Variants in GALNT10 observed in about 807,000 individuals in gnomAD.
GALNT10 encodes the protein polypeptide N-acetylgalactosaminyltransferase 10, also known as GalNAc transferase 10.
Under a neutral mutation model 75.0 loss-of-function variants are expected in GALNT10, and 41 were observed. That is an observed-to-expected ratio of 0.55 (90% CI 0.43 to 0.71). GALNT10 has a LOEUF of 0.71. Ranked by LOEUF, GALNT10 falls within the 30% of genes least tolerant of loss-of-function variation. The probability of loss-of-function intolerance (pLI) is 0.00; values close to 1 mark genes in which losing one functional copy is unlikely to be tolerated. For missense variants in GALNT10, 727 were observed against 818.5 expected (o/e 0.89, Z 1.36); for synonymous variants, 302 against 313.0 (o/e 0.96, Z 0.37).
rs990796048 is a variant in GALNT10, at chr5:154,418,782, C to T, written c.*1810C>T. 1.3e-5 allele frequency: 2 copies of T among 152,150 alleles called. No homozygotes were observed. Among genetic ancestry groups the T allele is most frequent in the Non-Finnish European group, 2.9e-5 (2 of 68,044 alleles). 9.4% of individuals were successfully genotyped at this position (152,150 alleles called of 1,614,324 possible). On this transcript the variant is annotated 3_prime_UTR_variant, in exon 12 of 12. Transcript: ENST00000297107. ...GCCACCTGTCTGCAAGAGAGGCGGC[C>T]CCTGTGCTTGCAACGCTTACGTGTT... is the stretch of plus-strand genomic sequence containing the variant.
chr5:154,400,669 A>G (rs993955572), intron 7 of GALNT10, among the ~76,000 whole-genome samples: 1 of 152,210 alleles, frequency 6.6e-6, no homozygotes, highest in African/African-American at 2.4e-5. Flanking sequence ...GTAAAAGGCA[A>G]TGAAGCAAGA....
chr5:154,345,635 TTTTTTTTTTTTTTTTTTAA>T (rs2113136215), intron 4 of GALNT10, among the ~76,000 whole-genome samples: 2 of 148,146 alleles, frequency 1.4e-5, no homozygotes, highest in East Asian at 3.9e-4. Context: ...CACCTTTTTT[TTTTTTTTTTTTTTTTTTAA>T]GAAAGAGTTT....
At chr5:154,363,440 C>T (rs760493127) in intron 4 of GALNT10, among the ~76,000 whole-genome samples, 16 of 133,188 alleles carry the variant, frequency 1.2e-4, no homozygotes, top group African/African-American at 3.4e-4. Flanking sequence ...CCCTGCAGGA[C>T]GTCTGAATCT....
chr5:154,334,105 A>G (rs925484216), intron 4 of GALNT10, among the ~76,000 whole-genome samples: 1 of 152,364 alleles, frequency 6.6e-6, no homozygotes, highest in East Asian at 1.9e-4. Flanking sequence ...TACAAGCTAG[A>G]TTGGCACTGC....
chr5:154,287,157 G>A (rs968711105), intron 1 of GALNT10, among the ~76,000 whole-genome samples: 6 of 152,184 alleles, frequency 3.9e-5, no homozygotes, highest in South Asian at 2.1e-4. Context: ...AGGTAGTAAC[G>A]TATTTTATTC....
At chr5:154,360,866 G>T (rs975827198) in intron 4 of GALNT10, among the ~76,000 whole-genome samples, 1 of 152,278 alleles carries the variant, frequency 6.6e-6, no homozygotes, top group African/African-American at 2.4e-5. Context: ...ATGTTTTAGA[G>T]ATTTAACATC....
chr5:154,418,350 ATGC>A lies in GALNT10; in HGVS notation c.*1379_*1381del, dbSNP rs1756558284. 1 of 152,302 alleles carries A rather than the reference ATGC, an allele frequency of 6.6e-6. No individual in the cohort carries two copies. The highest frequency in any genetic ancestry group is 2.4e-5 in the African/African-American group (1 of 41,460). 9.4% of individuals were successfully genotyped at this position (152,302 alleles called of 1,614,324 possible). ...CACAGCCAGATATACACCCAGCTCC[ATGC>A]CAGCCCTTCATGTTTACCTTTTGCT... is the stretch of plus-strand genomic sequence containing the variant. On this transcript the variant is annotated 3_prime_UTR_variant, in exon 12 of 12. Coordinates refer to ENST00000297107, the MANE Select transcript of GALNT10 (RefSeq NM_198321.4).
chr5:154,396,454 G>A (rs956672579), intron 7 of GALNT10, among the ~76,000 whole-genome samples: 1 of 152,176 alleles, frequency 6.6e-6, no homozygotes, highest in Non-Finnish European at 1.5e-5. Context: ...TACAAGTGCT[G>A]TTAGGGATCT....
intron 7 of GALNT10, among the ~76,000 whole-genome samples, chr5:154,403,217 G>A (rs2113210741): frequency 6.6e-6 from 1 of 152,172 alleles, no homozygotes; most frequent in Non-Finnish European, 1.5e-5. Flanking sequence ...GTCTGTGTAG[G>A]CCAAAGTCAT....
At chr5:154,350,095 A>G (rs1755184509) in intron 4 of GALNT10, among the ~76,000 whole-genome samples, 1 of 152,238 alleles carries the variant, frequency 6.6e-6, no homozygotes, top group South Asian at 2.1e-4. Context: ...TGTGGAACAC[A>G]TGACACAGCC....
chr5:154,300,386 CTGCACCTGGA>C (rs2113081787), intron 3 of GALNT10, among the ~76,000 whole-genome samples: 1 of 152,292 alleles, frequency 6.6e-6, no homozygotes, highest in African/African-American at 2.4e-5. Context: ...TCAACCCTGG[CTGCACCTGGA>C]TGGTTTTTTA....
At chr5:154,272,049 TG>T (rs1009687908) in intron 1 of GALNT10, among the ~76,000 whole-genome samples, 41 of 152,240 alleles carry the variant, frequency 2.7e-4, no homozygotes, top group African/African-American at 9.6e-4. Context: ...GAGTGATAGT[TG>T]ATATTTCCTG....
At chr5:154,260,847 A>G (rs1226861751) in intron 1 of GALNT10, among the ~76,000 whole-genome samples, 1 of 152,176 alleles carries the variant, frequency 6.6e-6, no homozygotes, top group Non-Finnish European at 1.5e-5. Context: ...TTAGATGCTG[A>G]TCACAACCAG....
chr5:154,200,025 A>C (rs1193290022), intron 1 of GALNT10, among the ~76,000 whole-genome samples: 1 of 152,212 alleles, frequency 6.6e-6, no homozygotes, highest in Non-Finnish European at 1.5e-5. Flanking sequence ...ATTCCAATCC[A>C]GCTGGGATGC....
At chr5:154,398,529 C>T (rs1756092262) in intron 7 of GALNT10, among the ~76,000 whole-genome samples, 1 of 152,190 alleles carries the variant, frequency 6.6e-6, no homozygotes, top group Non-Finnish European at 1.5e-5. Context: ...CCTGCCCCAA[C>T]AGAGTATGTC....
intron 1 of GALNT10, among the ~76,000 whole-genome samples, chr5:154,233,195 C>T (rs1307543210): frequency 6.6e-6 from 1 of 152,146 alleles, no homozygotes; most frequent in Non-Finnish European, 1.5e-5. Flanking sequence ...AATGTCTTGA[C>T]TCCAGGTTGG....
At chr5:154,374,485 C>CTCAT (rs573414531) in intron 4 of GALNT10, among the ~76,000 whole-genome samples, 9 of 152,132 alleles carry the variant, frequency 5.9e-5, no homozygotes, top group Non-Finnish European at 1.0e-4. Flanking sequence ...ATTTTTTTCA[C>CTCAT]TCATTCATTC....
At chr5:154,403,184 C>G (rs1008685574) in intron 7 of GALNT10, among the ~76,000 whole-genome samples, 6 of 152,146 alleles carry the variant, frequency 3.9e-5, no homozygotes, top group African/African-American at 1.4e-4. Flanking sequence ...AGCCAGGATT[C>G]AAACCCAGGC....
intron 4 of GALNT10, among the ~76,000 whole-genome samples, chr5:154,346,676 A>AG (rs1232448096): frequency 1.3e-5 from 2 of 152,214 alleles, no homozygotes; most frequent in Non-Finnish European, 2.9e-5. Context: ...ACTCTCCTAT[A>AG]GGTAGTACTG....
Sources: gnomAD v4.1 joint callset for allele counts (sites outside exome capture counted in the v4.1 genomes callset) on GRCh38, gnomAD v4.1.1 for gene constraint, MANE v1.5 for transcripts, NCBI Gene and HGNC (gene_info 2026-07-23, HGNC 2026-07-21) for gene names.